Variants in UNC5C observed in about 807,000 individuals in gnomAD.
UNC5C encodes unc-5 netrin receptor C.
Under a neutral mutation model 99.8 loss-of-function variants are expected in UNC5C, and 47 were observed. The observed-to-expected ratio is 0.47, with a 90% CI of 0.37 to 0.60. The LOEUF (loss-of-function observed/expected upper bound fraction) is 0.60. Ranked by LOEUF, UNC5C falls within the 20% of genes least tolerant of loss-of-function variation. The pLI is 0.00. For synonymous variants in UNC5C, 487 were observed against 452.2 expected (o/e 1.08, Z -0.98); for missense variants, 1,062 against 1,165.9 (o/e 0.91, Z 1.30).
At chr4:95,436,296 T>C (rs893255676) in intron 1 of UNC5C, among the ~76,000 whole-genome samples, 4 of 151,940 alleles carry the variant, frequency 2.6e-5, no homozygotes, top group African/African-American at 9.7e-5. Flanking sequence ...CTCTATTAAA[T>C]AATATATAAT....
intron 1 of UNC5C, among the ~76,000 whole-genome samples, chr4:95,518,630 T>A (rs1338590172): frequency 6.6e-6 from 1 of 152,186 alleles, no homozygotes; most frequent in Non-Finnish European, 1.5e-5. Context: ...ATATGCAGAA[T>A]AACAATCATT....
At chr4:95,512,764 A>G (rs1722112562) in intron 1 of UNC5C, among the ~76,000 whole-genome samples, 1 of 152,178 alleles carries the variant, frequency 6.6e-6, no homozygotes, top group Middle Eastern at 3.2e-3. Context: ...TTATGGAGAC[A>G]AGTTTATATG....
At chr4:95,457,186 G>C (rs1475025062) in intron 1 of UNC5C, among the ~76,000 whole-genome samples, 1 of 151,912 alleles carries the variant, frequency 6.6e-6, no homozygotes, top group Admixed American at 6.6e-5. Context: ...AATTTGAATT[G>C]AGAAACATTA....
At chr4:95,203,455 T>TTTTA (rs1352587576) in intron 11 of UNC5C, among the ~76,000 whole-genome samples, 11 of 152,214 alleles carry the variant, frequency 7.2e-5, no homozygotes, top group East Asian at 3.9e-4. Context: ...AGTATACTTC[T>TTTTA]TTTATTTATT....
chr4:95,273,324 G>A (rs974157079), intron 4 of UNC5C, among the ~76,000 whole-genome samples: 1 of 152,150 alleles, frequency 6.6e-6, no homozygotes, highest in Non-Finnish European at 1.5e-5. Context: ...ATTCAGCTTT[G>A]CTCCTTCTGC....
chr4:95,258,332 C>T (rs956973983), intron 4 of UNC5C, among the ~76,000 whole-genome samples: 20 of 152,258 alleles, frequency 1.3e-4, no homozygotes, highest in African/African-American at 4.8e-4. Context: ...TTGATTTCAA[C>T]CTGAGGCTTC....
At chr4:95,542,251 CT>C (rs1245351505) in intron 1 of UNC5C, among the ~76,000 whole-genome samples, 3 of 152,094 alleles carry the variant, frequency 2.0e-5, no homozygotes, top group Non-Finnish European at 4.4e-5. Context: ...CCCGGCTCCC[CT>C]CACGCTCACA....
chr4:95,202,910 C>G lies in UNC5C; in HGVS notation c.1957G>C (p.Asp653His), dbSNP rs772018154. ...GTGAGGATGTGGCAGGCCTCTGCAT[C>G]CAGCTGAATGTAGCAGGGGGTGGTG... is the stretch of plus-strand genomic sequence containing the variant. ...NFTTPCYIQL[D>H]AEACHILTEN... Residue 653 changes from aspartate (D) to histidine (H), a missense_variant, in exon 12 of 16, where the codon GAT becomes CAT. By Grantham distance (81) the Asp-to-His change is moderately conservative. Coordinates refer to ENST00000453304, the MANE Select transcript of UNC5C (RefSeq NM_003728.4). The G allele has an allele frequency of 5.0e-6, 8 of 1,614,064 alleles. No individual in the cohort carries two copies. Among genetic ancestry groups the G allele is most frequent in the Non-Finnish European group, 8.5e-7 (1 of 1,180,040 alleles).
intron 15 of UNC5C, 56 bp downstream of exon 15, chr4:95,170,098 C>A: frequency 6.4e-7 from 1 of 1,561,972 alleles, no homozygotes; most frequent in African/African-American, 1.4e-5. Flanking sequence ...TAATAGTTAT[C>A]GGTCCTGGAG....
chr4:95,286,954 CA>C (rs1436237770), intron 3 of UNC5C, among the ~76,000 whole-genome samples: 2 of 151,936 alleles, frequency 1.3e-5, no homozygotes, highest in East Asian at 3.9e-4. Context: ...AGGACTAAAC[CA>C]AAAAAGTGGG....
chr4:95,497,548 G>T (rs912451539), intron 1 of UNC5C, among the ~76,000 whole-genome samples: 1 of 151,758 alleles, frequency 6.6e-6, no homozygotes, highest in East Asian at 1.9e-4. Context: ...GATAAGACAT[G>T]GGCTATACTC....
intron 1 of UNC5C, among the ~76,000 whole-genome samples, chr4:95,431,478 A>AT (rs1746633166): frequency 6.6e-6 from 1 of 152,142 alleles, no homozygotes; most frequent in African/African-American, 2.4e-5. Flanking sequence ...CTTAGGAAGG[A>AT]TAAAAACACA....
intron 12 of UNC5C, among the ~76,000 whole-genome samples, chr4:95,191,898 C>CTCCTCTG (rs560184980): frequency 5.8e-4 from 83 of 144,220 alleles, no homozygotes; most frequent in African/African-American, 2.1e-3. Flanking sequence ...CCTTTCTCCC[C>CTCCTCTG]TCCTCTGTTC....
At chr4:95,395,468 A>G (rs17023753) in intron 1 of UNC5C, among the ~76,000 whole-genome samples, 30,192 of 152,068 alleles carry the variant, frequency 0.2, 4,043 homozygotes, top group African/African-American at 0.37. Context: ...GTCCAGGTTA[A>G]ATCTATAGAG....
At chr4:95,519,129 T>C (rs1722286552) in intron 1 of UNC5C, among the ~76,000 whole-genome samples, 2 of 152,072 alleles carry the variant, frequency 1.3e-5, no homozygotes, top group Admixed American at 1.3e-4. Flanking sequence ...ACATAGAGTA[T>C]AGAGAGTTAA....
chr4:95,167,324 GTGTT>G lies in UNC5C; in HGVS notation c.*1906_*1909del, dbSNP rs753860670. 1 of 152,144 alleles carries G rather than the reference GTGTT, an allele frequency of 6.6e-6. No homozygotes were observed. The highest frequency in any genetic ancestry group is 1.5e-5 in the Non-Finnish European group (1 of 68,036). 9.4% of individuals were successfully genotyped at this position (152,144 alleles called of 1,614,324 possible). On this transcript the variant is annotated 3_prime_UTR_variant, in exon 16 of 16. Transcript: ENST00000453304. ...CACCTGCTGAATGAATTGAGTCCTT[GTGTT>G]TGTTAAAGAGCTTGTGATGGTCCCA...
intron 7 of UNC5C, among the ~76,000 whole-genome samples, chr4:95,236,814 A>C (rs1739136620): frequency 6.6e-6 from 1 of 152,148 alleles, no homozygotes; most frequent in Non-Finnish European, 1.5e-5. Flanking sequence ...CATTTAATGG[A>C]AGTACTATGT....
intron 1 of UNC5C, among the ~76,000 whole-genome samples, chr4:95,479,292 C>T (rs747320463): frequency 6.6e-6 from 1 of 151,924 alleles, no homozygotes; most frequent in Non-Finnish European, 1.5e-5. Flanking sequence ...CACTGTGTGT[C>T]TCTATTTTTG....
intron 12 of UNC5C, among the ~76,000 whole-genome samples, chr4:95,185,818 A>G (rs1188492576): frequency 5.9e-5 from 9 of 152,240 alleles, no homozygotes. Context: ...TATATATTCT[A>G]TTAAAGGAAA....
Sources: allele counts gnomAD v4.1 joint callset (sites outside exome capture counted in the v4.1 genomes callset), GRCh38; gene constraint gnomAD v4.1.1; transcripts MANE v1.5; gene names NCBI Gene and HGNC (gene_info 2026-07-23, HGNC 2026-07-21).